CLIP2: variants seen among roughly 807,000 people sequenced by gnomAD.
CLIP2 encodes the protein CAP-Gly domain containing linker protein 2.
Under a neutral mutation model 111.7 loss-of-function variants are expected in CLIP2, and 41 were observed. That is an observed-to-expected ratio of 0.37 (90% confidence interval 0.29 to 0.48). CLIP2 has a LOEUF of 0.48. CLIP2 is among the 20% of genes least tolerant of loss of function. CLIP2 has a pLI of 0.99. For missense variants in CLIP2, 1,160 were observed against 1,422.1 expected, an observed-to-expected ratio of 0.82 and a Z score of 2.96; for synonymous variants, 660 against 644.2, an observed-to-expected ratio of 1.02 and a Z score of -0.37.
At chr7:74,363,320 T>C (rs1562711135) in intron 7 of CLIP2, among the ~76,000 whole-genome samples, 1 of 152,160 alleles carries the variant, frequency 6.6e-6, no homozygotes, top group South Asian at 2.1e-4. Flanking sequence ...AGTTCCTATG[T>C]GTGGCTGTAA....
At position 74,373,033 on chromosome 7, in the gene CLIP2, C is replaced by T. The variant is rs1190699081; in HGVS notation, c.1482C>T (p.Asn494=). ...GGCTGCTCCGAGAATTAGCGGACAA[C>T]AGGGTAACCGCGCCACCGCACCCGC... ...AERLLRELAD[N]RLTTVAEKSR... is the part of the protein sequence containing the mutation. Residue 494 remains asparagine, a synonymous_variant, in exon 9 of 17, where the codon AAC becomes AAT. Coordinates refer to ENST00000223398, the MANE Select transcript of CLIP2 (RefSeq NM_003388.5). 4 of 1,572,758 alleles carry T rather than the reference C, an allele frequency of 2.5e-6. No individual in the cohort carries two copies. Among genetic ancestry groups the T allele is most frequent in the African/African-American group, 2.7e-5 (2 of 74,472 alleles).
intron 2 of CLIP2, among the ~76,000 whole-genome samples, chr7:74,318,603 C>T (rs566289566): frequency 6.6e-6 from 1 of 152,130 alleles, no homozygotes; most frequent in South Asian, 2.1e-4. Flanking sequence ...GTCCCAGCTA[C>T]TTGGGAGGCT....
intron 8 of CLIP2, among the ~76,000 whole-genome samples, chr7:74,368,653 T>C (rs539282556): frequency 6.6e-6 from 1 of 152,300 alleles, no homozygotes; most frequent in East Asian, 1.9e-4. Context: ...CCTAGCACCA[T>C]GCCATGGATA....
chr7:74,394,626 T>C (rs1024823355), intron 13 of CLIP2, among the ~76,000 whole-genome samples: 9 of 152,190 alleles, frequency 5.9e-5, no homozygotes, highest in African/African-American at 2.2e-4. Flanking sequence ...AGAAATGCCA[T>C]CTCCTTTCCT....
At chr7:74,306,071 G>A (rs1309267892) in intron 1 of CLIP2, among the ~76,000 whole-genome samples, 2 of 152,086 alleles carry the variant, frequency 1.3e-5, no homozygotes, top group Admixed American at 1.3e-4. Flanking sequence ...CCAGATCCTT[G>A]GGTGTTGGGT....
chr7:74,374,975 C>T (rs193008380), intron 9 of CLIP2, among the ~76,000 whole-genome samples: 2 of 152,264 alleles, frequency 1.3e-5, no homozygotes, highest in East Asian at 1.9e-4. Context: ...CTGCCTCCAG[C>T]CAGCCCCTTG....
At chr7:74,293,451 G>A (rs1484240676) in intron 1 of CLIP2, among the ~76,000 whole-genome samples, 2 of 152,142 alleles carry the variant, frequency 1.3e-5, no homozygotes, top group Non-Finnish European at 2.9e-5. Flanking sequence ...CTGAGTCCAC[G>A]GGACCTCCCA....
chr7:74,313,499 G>T (rs1301742792), intron 1 of CLIP2, among the ~76,000 whole-genome samples: 1 of 151,770 alleles, frequency 6.6e-6, no homozygotes, highest in Non-Finnish European at 1.5e-5. Context: ...GGCAGAGCTT[G>T]CAGTGAGCCG....
At chr7:74,402,345 CA>C (rs559721641) in intron 16 of CLIP2, among the ~76,000 whole-genome samples, 4,465 of 117,332 alleles carry the variant, frequency 0.038, 159 homozygotes, top group African/African-American at 0.093. Flanking sequence ...AAAAAAAAAC[CA>C]AAAAAAAAAA....
At chr7:74,365,267 C>G (rs1790447317) in intron 8 of CLIP2, among the ~76,000 whole-genome samples, 1 of 152,032 alleles carries the variant, frequency 6.6e-6, no homozygotes, top group Non-Finnish European at 1.5e-5. Flanking sequence ...CCCCCCTGTG[C>G]CAGCTGCAGT....
At chr7:74,398,727 T>G (rs1791531815) in intron 14 of CLIP2, among the ~76,000 whole-genome samples, 2 of 152,008 alleles carry the variant, frequency 1.3e-5, no homozygotes, top group Non-Finnish European at 2.9e-5. Context: ...TGGGGGTCAC[T>G]GAGTCCTGCC....
intron 2 of CLIP2, among the ~76,000 whole-genome samples, chr7:74,326,752 T>C (rs1188958281): frequency 6.6e-6 from 1 of 151,582 alleles, no homozygotes; most frequent in African/African-American, 2.4e-5. Flanking sequence ...TTCTCCTGCC[T>C]CAGCCTCCCA....
intron 3 of CLIP2, among the ~76,000 whole-genome samples, chr7:74,347,604 C>T (rs1471570582): frequency 3.3e-5 from 5 of 152,178 alleles, no homozygotes; most frequent in South Asian, 2.1e-4. Context: ...TACCCCCACG[C>T]GGCTCCCTGA....
At chr7:74,361,496 C>T (rs550597497) in intron 7 of CLIP2, among the ~76,000 whole-genome samples, 1 of 152,020 alleles carries the variant, frequency 6.6e-6, no homozygotes, top group South Asian at 2.1e-4. Flanking sequence ...GGATTACAGG[C>T]GTGAGCCACC....
At chr7:74,359,646 C>T (rs1031752824) in intron 6 of CLIP2, among the ~76,000 whole-genome samples, 5 of 152,166 alleles carry the variant, frequency 3.3e-5, no homozygotes, top group Non-Finnish European at 7.3e-5. Context: ...GGAGCCACTG[C>T]ACCCGGCCCA....
At chr7:74,399,105 G>T (rs1791539996) in intron 14 of CLIP2, among the ~76,000 whole-genome samples, 1 of 152,226 alleles carries the variant, frequency 6.6e-6, no homozygotes, top group African/African-American at 2.4e-5. Context: ...GAGCAGGCAG[G>T]ACTGGGCAGT....
chr7:74,376,870 G>T lies in CLIP2; in HGVS notation c.2421+48G>T, dbSNP rs1554313114. On this transcript the variant is annotated intron_variant, in intron 10 of 16. Coordinates refer to ENST00000223398, the MANE Select transcript of CLIP2 (RefSeq NM_003388.5). The surrounding 1 kb of genome is among the most constrained non-coding windows in gnomAD (Gnocchi z 7.1). The stretch of plus-strand genomic sequence containing the variant: ...GGGGCGGGAGGGTCGGGCTGGGGAG[G>T]GCTTGGCCTTTTGCTGACCTCTGTT... 6.8e-7 allele frequency: 1 copy of T among 1,470,598 alleles called. No individual in the cohort carries two copies. Among genetic ancestry groups the T allele is most frequent in the African/African-American group, 1.4e-5 (1 of 70,798 alleles). 91.1% of individuals were successfully genotyped at this position (1,470,598 alleles called of 1,614,324 possible).
At chr7:74,402,345 CAA>C (rs559721641) in intron 16 of CLIP2, among the ~76,000 whole-genome samples, 12 of 117,358 alleles carry the variant, frequency 1.0e-4, no homozygotes, top group Admixed American at 7.1e-4. Flanking sequence ...AAAAAAAAAC[CAA>C]AAAAAAAAAA....
chr7:74,401,235 C>G (rs1791610666), intron 15 of CLIP2, among the ~76,000 whole-genome samples: 1 of 152,228 alleles, frequency 6.6e-6, no homozygotes, highest in East Asian at 1.9e-4. Flanking sequence ...CAGCTCTGTC[C>G]TGGGAACCCA....
Sources: allele counts gnomAD v4.1 joint callset (sites outside exome capture counted in the v4.1 genomes callset), GRCh38; gene constraint gnomAD v4.1.1; non-coding constraint Gnocchi (gnomAD v3.1); transcripts MANE v1.5; gene names NCBI Gene and HGNC (gene_info 2026-07-23, HGNC 2026-07-21).